Variants in COBL observed in about 807,000 individuals in gnomAD.
The protein encoded by COBL is protein cordon-bleu.
A neutral mutation model predicts 98.8 loss-of-function variants in COBL; 51 were observed. The observed-to-expected ratio is 0.52, with a 90% CI of 0.41 to 0.65. The LOEUF is 0.65. COBL is among the 30% of genes least tolerant of loss of function. The probability of loss-of-function intolerance (pLI) is 0.00; values close to 1 mark genes in which losing one functional copy is unlikely to be tolerated. For missense variants in COBL, 1,617 were observed against 1,617.5 expected, an observed-to-expected ratio of 1.00 and a Z score of 0.01; for synonymous variants, 634 against 651.7, an observed-to-expected ratio of 0.97 and a Z score of 0.41.
chr7:51,115,770 C>T (rs1327217182), intron 6 of COBL, among the ~76,000 whole-genome samples: 1 of 152,028 alleles, frequency 6.6e-6, no homozygotes, highest in East Asian at 1.9e-4. Flanking sequence ...TATCTCTTCA[C>T]TCATTTTTTT....
At chr7:51,171,772 A>G (rs888994510) in intron 5 of COBL, among the ~76,000 whole-genome samples, 7 of 152,212 alleles carry the variant, frequency 4.6e-5, no homozygotes, top group Admixed American at 2.0e-4. Context: ...TTTTACTTAA[A>G]GTCCGTATTA....
chr7:51,085,406 C>T (rs546422256), intron 6 of COBL, 102 bp from the exon 7 acceptor site: 41 of 1,289,832 alleles, frequency 3.2e-5, no homozygotes, highest in South Asian at 5.7e-5. Context: ...GGACCTGCAC[C>T]GGAAGGTGGT....
At chr7:51,166,400 T>C (rs539009634) in intron 5 of COBL, among the ~76,000 whole-genome samples, 2 of 152,016 alleles carry the variant, frequency 1.3e-5, no homozygotes, top group South Asian at 4.1e-4. Flanking sequence ...CAAGATTGAA[T>C]CAGGGAGAAA....
intron 7 of COBL, among the ~76,000 whole-genome samples, chr7:51,068,881 A>G (rs1792237453): frequency 6.6e-6 from 1 of 152,168 alleles, no homozygotes; most frequent in South Asian, 2.1e-4. Flanking sequence ...ACCATTTACT[A>G]TTATTTTATA....
chr7:51,240,790 A>C (rs1203037469), intron 1 of COBL, among the ~76,000 whole-genome samples: 1 of 152,012 alleles, frequency 6.6e-6, no homozygotes, highest in East Asian at 1.9e-4. Flanking sequence ...TGATCTACCC[A>C]CCTCGGCTTC....
In COBL at chr7:51,073,559, C is replaced by A. The variant is rs528581482; in HGVS notation, c.1096+11607G>T. Among the ~76,000 whole-genome samples, 445 of 152,178 alleles carry A rather than the reference C, an allele frequency of 2.9e-3. 3 individuals are homozygous for A. The highest frequency in any genetic ancestry group is 0.01 in the African/African-American group (430 of 41,520). ...CTTTCCATTTAGTCTTTTTGTATGC[C>A]AGCTGTGGAAAGGGCCTATTGATCC... On this transcript the variant is annotated intron_variant, in intron 7 of 12. Transcript: ENST00000265136.
chr7:51,049,756 C>A (rs1238741225), intron 7 of COBL, among the ~76,000 whole-genome samples: 1 of 152,174 alleles, frequency 6.6e-6, no homozygotes, highest in South Asian at 2.1e-4. Flanking sequence ...ACATCAAATA[C>A]TGTTGAGTGG....
intron 7 of COBL, among the ~76,000 whole-genome samples, chr7:51,044,983 T>C (rs918766862): frequency 6.6e-6 from 1 of 152,240 alleles, no homozygotes; most frequent in South Asian, 2.1e-4. Flanking sequence ...AGGAATAGTT[T>C]AGAGCAGTGT....
Position 51,028,548 on chromosome 7 carries a change from G to A in COBL, c.2548C>T (p.His850Tyr), listed in dbSNP as rs1267010926. 1.4e-5 allele frequency: 23 copies of A among 1,614,272 alleles called. No homozygotes were observed. The highest frequency in any genetic ancestry group is 1.8e-5 in the Non-Finnish European group (21 of 1,180,054). The change falls in exon 10 of 13, where the codon CAC (histidine) becomes TAC (tyrosine). Residue 850 changes from histidine (H) to tyrosine (Y), a missense_variant. Coordinates refer to ENST00000265136, the MANE Select transcript of COBL (RefSeq NM_015198.5). ...GMGHVRVPAA[H>Y]TTEVTFLKPQ... The stretch of plus-strand genomic sequence containing the variant: ...TTGAGAAATGTGACTTCTGTGGTGT[G>A]AGCTGCTGGCACCCTCACGTGACCC...
chr7:51,266,065 C>T (rs945020734), intron 1 of COBL, among the ~76,000 whole-genome samples: 45 of 152,178 alleles, frequency 3.0e-4, no homozygotes, highest in African/African-American at 1.1e-3. Context: ...CACAGAAAGG[C>T]AAATTCTGAT....
intron 6 of COBL, among the ~76,000 whole-genome samples, chr7:51,102,555 C>T (rs1795900152): frequency 6.6e-6 from 1 of 152,106 alleles, no homozygotes; most frequent in South Asian, 2.1e-4. Context: ...GTTTATCTTC[C>T]ATGTCCCTTT....
intron 6 of COBL, among the ~76,000 whole-genome samples, chr7:51,104,851 T>C (rs1796114904): frequency 6.6e-6 from 1 of 152,172 alleles, no homozygotes; most frequent in Non-Finnish European, 1.5e-5. Flanking sequence ...AAATGGTCCA[T>C]TTTCAAGGCA....
intron 1 of COBL, among the ~76,000 whole-genome samples, chr7:51,315,447 G>T (rs1411295622): frequency 6.6e-6 from 1 of 152,188 alleles, no homozygotes; most frequent in Non-Finnish European, 1.5e-5. Context: ...ACATGGGCAG[G>T]GTGAGTCAGT....
intron 6 of COBL, among the ~76,000 whole-genome samples, chr7:51,090,305 A>G (rs1212956105): frequency 1.3e-5 from 2 of 152,236 alleles, no homozygotes; most frequent in Non-Finnish European, 2.9e-5. Flanking sequence ...CCAGTTAAGA[A>G]GGCACAGGAC....
At chr7:51,086,929 G>A (rs767121519) in intron 6 of COBL, among the ~76,000 whole-genome samples, 8 of 151,556 alleles carry the variant, frequency 5.3e-5, no homozygotes, top group African/African-American at 1.2e-4. Flanking sequence ...ATAAAGATGA[G>A]TCAAAACCAG....
At chr7:51,265,201 A>G (rs1001108682) in intron 1 of COBL, among the ~76,000 whole-genome samples, 1 of 152,204 alleles carries the variant, frequency 6.6e-6, no homozygotes, top group African/African-American at 2.4e-5. Flanking sequence ...CATCTGTTTC[A>G]GCCTCACTGC....
At chr7:51,309,974 G>T (rs1388841157) in intron 1 of COBL, among the ~76,000 whole-genome samples, 2 of 152,198 alleles carry the variant, frequency 1.3e-5, no homozygotes, top group African/African-American at 4.8e-5. Context: ...TGAGAAAGGG[G>T]CAAGAAAGCT....
At chr7:51,105,131 G>C (rs1176384649) in intron 6 of COBL, among the ~76,000 whole-genome samples, 1 of 151,768 alleles carries the variant, frequency 6.6e-6, no homozygotes, top group East Asian at 1.9e-4. Flanking sequence ...TCCATGCTAG[G>C]AGATAAATTA....
At chr7:51,170,722 T>TA in intron 5 of COBL, among the ~76,000 whole-genome samples, 1 of 152,026 alleles carries the variant, frequency 6.6e-6, no homozygotes, top group African/African-American at 2.4e-5. Context: ...ATGTGGAATC[T>TA]AAAAAGTTGA....
Sources: gnomAD v4.1 joint callset for allele counts (sites outside exome capture counted in the v4.1 genomes callset) on GRCh38, gnomAD v4.1.1 for gene constraint, MANE v1.5 for transcripts, NCBI Gene and HGNC (gene_info 2026-07-23, HGNC 2026-07-21) for gene names.